The following GPR63 variants were observed in gnomAD, a reference collection of about 807,000 sequenced individuals.
GPR63 encodes the protein G protein-coupled receptor 63.
Under a neutral mutation model 23.1 loss-of-function variants are expected in GPR63, and 12 were observed. That is an observed-to-expected ratio of 0.52 (90% confidence interval 0.33 to 0.84). GPR63 has a LOEUF of 0.84. Ranked by LOEUF, GPR63 falls within the 40% of genes least tolerant of loss-of-function variation. The pLI is 0.02. For synonymous variants in GPR63, 172 were observed against 191.1 expected (o/e 0.90, Z 0.82); for missense variants, 472 against 515.6 (o/e 0.92, Z 0.82).
chr6:96,819,247 T>C (rs1055809763), intron 1 of GPR63, among the ~76,000 whole-genome samples: 4 of 152,126 alleles, frequency 2.6e-5, no homozygotes, highest in African/African-American at 4.8e-5. Flanking sequence ...CTATTTACAA[T>C]AGCAAAGACT....
Position 96,798,907 on chromosome 6 carries a change from C to G in GPR63, c.825G>C (p.Arg275Ser). 6.2e-7 allele frequency: 1 copy of G among 1,614,160 alleles called. No individual in the cohort carries two copies. Among genetic ancestry groups the G allele is most frequent in the East Asian group, 2.2e-5 (1 of 44,882 alleles). ...ILNTLRHNAL[R>S]IHSYPEGICL... ...ATATACCTTCAGGGTAGCTATGGAT[C>G]CTCAAGGCATTGTGCCGAAGGGTGT... Residue 275 changes from arginine (R) to serine (S), a missense_variant, in exon 2 of 2, where the codon AGG becomes AGC. By Grantham distance (110) the Arg-to-Ser change is moderately radical (BLOSUM62 -1). Transcript: ENST00000229955.
At chr6:96,830,310 A>G (rs1027136178) in intron 1 of GPR63, among the ~76,000 whole-genome samples, 2 of 152,226 alleles carry the variant, frequency 1.3e-5, no homozygotes, top group African/African-American at 4.8e-5. Flanking sequence ...ATCAGTTTCT[A>G]AAGGATATTC....
rs77825684 is a variant in GPR63 at position 96,803,766 on chromosome 6, C to G, written c.-150-3885G>C. ...TAAGAATAGGTTAAAAAGTTTCACA[C>G]TTACAATTTGTATTTCCAAATGAAA... is the stretch of plus-strand genomic sequence containing the variant. On this transcript the variant is annotated intron_variant, in intron 1 of 1. Transcript: ENST00000229955. Among the ~76,000 whole-genome samples the G allele has an allele frequency of 4.9e-4, 74 of 152,312 alleles. 1 individual carries two copies. The East Asian group carries it at 0.013, about 27-fold the overall frequency.
intron 1 of GPR63, among the ~76,000 whole-genome samples, chr6:96,816,007 C>T (rs181564018): frequency 1.3e-4 from 20 of 152,100 alleles, no homozygotes; most frequent in African/African-American, 4.6e-4. Flanking sequence ...CCCTTGCCTT[C>T]AAAAATATTA....
At chr6:96,823,204 C>T (rs1774355026) in intron 1 of GPR63, among the ~76,000 whole-genome samples, 1 of 152,050 alleles carries the variant, frequency 6.6e-6, no homozygotes, top group African/African-American at 2.4e-5. Context: ...ATTAAGATTT[C>T]TAAAAGTTAA....
intron 1 of GPR63, among the ~76,000 whole-genome samples, chr6:96,815,078 T>G (rs551305448): frequency 6.6e-6 from 1 of 152,348 alleles, no homozygotes; most frequent in South Asian, 2.1e-4. Context: ...GCTTTAGAAC[T>G]CTGAAATCAG....
chr6:96,825,036 A>G lies in GPR63; in HGVS notation c.-151+12232T>C, dbSNP rs545835957. On this transcript the variant is annotated intron_variant, in intron 1 of 1. Coordinates refer to ENST00000229955, the MANE Select transcript of GPR63 (RefSeq NM_030784.4). ...GAAACAAAAGTATGAAATATTGTTT[A>G]TAAATATCACTGCTTAAACTTATGT... Among the ~76,000 whole-genome samples the G allele has an allele frequency of 7.2e-5, 11 of 152,318 alleles. No homozygotes were observed. In the South Asian group the frequency reaches 2.3e-3, roughly 32 times the overall value.
rs140860962 is a variant in GPR63, at chr6:96,829,942, T to C, written c.-151+7326A>G. Among the ~76,000 whole-genome samples the C allele has an allele frequency of 2.6e-3, 403 of 152,302 alleles. 2 individuals are homozygous for C. Among genetic ancestry groups the C allele is most frequent in the Middle Eastern group, 0.02 (6 of 294 alleles). ...TCGGCTTTGCTGATCATCTCTACTA[T>C]ATATTATACATTATATACAATAAAT... On this transcript the variant is annotated intron_variant, in intron 1 of 1. Coordinates refer to ENST00000229955, the MANE Select transcript of GPR63 (RefSeq NM_030784.4).
intron 1 of GPR63, among the ~76,000 whole-genome samples, chr6:96,822,703 G>A (rs1774343699): frequency 6.6e-6 from 1 of 152,168 alleles, no homozygotes; most frequent in South Asian, 2.1e-4. Context: ...CTTACAATGG[G>A]AAACAAACTG....
Position 96,831,077 on chromosome 6 carries a change from G to A in GPR63, c.-151+6191C>T, listed in dbSNP as rs189420677. Among the ~76,000 whole-genome samples, 66 of 152,324 alleles carry A rather than the reference G, an allele frequency of 4.3e-4. 1 individual carries two copies. The East Asian group carries it at 0.012, about 29-fold the overall frequency. Reference sequence around the variant, plus strand: ...ATTTATTTTAAATGTTAAGAGTCCAGGAGTTGGCAGCAAAGTGCAGAAAAC... The same window carrying A: ...ATTTATTTTAAATGTTAAGAGTCCAAGAGTTGGCAGCAAAGTGCAGAAAAC... On this transcript the variant is annotated intron_variant, in intron 1 of 1. Coordinates refer to ENST00000229955, the MANE Select transcript of GPR63 (RefSeq NM_030784.4).
intron 1 of GPR63, among the ~76,000 whole-genome samples, chr6:96,809,657 C>T (rs1356472136): frequency 6.6e-6 from 1 of 152,158 alleles, no homozygotes; most frequent in Admixed American, 6.5e-5. Flanking sequence ...TAAAACCTAT[C>T]AACTTTCACA....
At position 96,819,528 on chromosome 6, in the gene GPR63, G is replaced by A. The variant is rs182660629; in HGVS notation, c.-151+17740C>T. ...ACTGGGGCCTGTCGGGGTGCAGGGGGACAGGGGAGGGAGAGCTTTAGGACA... is the reference window on the plus strand; with the variant it reads ...ACTGGGGCCTGTCGGGGTGCAGGGGAACAGGGGAGGGAGAGCTTTAGGACA... On this transcript the variant is annotated intron_variant, in intron 1 of 1. Transcript: ENST00000229955. 4.0e-3 allele frequency among the ~76,000 whole-genome samples: 605 copies of A among 151,960 alleles called. 3 individuals are homozygous for A. The highest frequency in any genetic ancestry group is 0.014 in the African/African-American group (583 of 41,418).
chr6:96,819,350 T>C (rs1774240836), intron 1 of GPR63, among the ~76,000 whole-genome samples: 1 of 152,162 alleles, frequency 6.6e-6, no homozygotes, highest in Non-Finnish European at 1.5e-5. Context: ...TAAAAATGAA[T>C]GAGTTTATGT....
intron 1 of GPR63, among the ~76,000 whole-genome samples, chr6:96,815,976 AC>A (rs1479925719): frequency 6.6e-6 from 1 of 152,198 alleles, no homozygotes; most frequent in Non-Finnish European, 1.5e-5. Flanking sequence ...AAGACAGAAT[AC>A]AAAAGAAAAG....
intron 1 of GPR63, among the ~76,000 whole-genome samples, chr6:96,815,798 A>G (rs1483690342): frequency 6.6e-6 from 1 of 152,244 alleles, no homozygotes; most frequent in Non-Finnish European, 1.5e-5. Context: ...ATGCTCCTAA[A>G]TGAAATTATA....
intron 1 of GPR63, among the ~76,000 whole-genome samples, chr6:96,810,250 G>T (rs1040432491): frequency 7.2e-5 from 11 of 152,112 alleles, no homozygotes; most frequent in Admixed American, 2.6e-4. Flanking sequence ...AATCCCAGCA[G>T]TTTGGAAGGC....
At position 96,798,364 on chromosome 6, in the gene GPR63, T is replaced by C; in HGVS notation, c.*108A>G. ...TCTTTCTTTACACTGCTCACACACA[T>C]ACATACACAAACCCTATAAAAAAAA... On this transcript the variant is annotated 3_prime_UTR_variant, in exon 2 of 2. Coordinates refer to ENST00000229955, the MANE Select transcript of GPR63 (RefSeq NM_030784.4). 3 of 1,088,536 alleles carry C rather than the reference T, an allele frequency of 2.8e-6. No homozygotes were observed. The highest frequency in any genetic ancestry group is 2.4e-5 in the East Asian group (1 of 40,928). 67.4% of individuals were successfully genotyped at this position (1,088,536 alleles called of 1,614,324 possible).
rs542097160 is a variant in GPR63 at position 96,802,640 on chromosome 6, C to T, written c.-150-2759G>A. Among the ~76,000 whole-genome samples the T allele has an allele frequency of 1.1e-4, 17 of 150,160 alleles. 1 individual carries two copies. The East Asian group carries it at 2.7e-3, about 24-fold the overall frequency. On this transcript the variant is annotated intron_variant, in intron 1 of 1. Coordinates refer to ENST00000229955, the MANE Select transcript of GPR63 (RefSeq NM_030784.4). ...CTACAAGCTCCACCTCCTGGGTTCA[C>T]GTCATTCTTCTGCCTCAGCCTCACG...
chr6:96,814,891 C>T (rs1774125431), intron 1 of GPR63, among the ~76,000 whole-genome samples: 1 of 152,160 alleles, frequency 6.6e-6, no homozygotes, highest in Admixed American at 6.5e-5. Context: ...CATACTTTCA[C>T]AATTAATAGA....
Sources: allele counts gnomAD v4.1 joint callset (sites outside exome capture counted in the v4.1 genomes callset), GRCh38; gene constraint gnomAD v4.1.1; transcripts MANE v1.5; gene names NCBI Gene and HGNC (gene_info 2026-07-23, HGNC 2026-07-21).